OOSP4A: variants seen among roughly 807,000 people sequenced by gnomAD.
OOSP4A encodes oocyte secreted protein family member 4A.
chr11:59,969,886 A>T (rs2134587865), intron 4 of OOSP4A, among the ~76,000 whole-genome samples, 163 bp from the exon 5 acceptor site: 1 of 152,352 alleles, frequency 6.6e-6, no homozygotes, highest in East Asian at 1.9e-4. Context: ...ATGTGTATAT[A>T]TCGTATTTGT....
At chr11:59,969,584 C>A (rs1275866115) in intron 4 of OOSP4A, among the ~76,000 whole-genome samples, 2 of 152,294 alleles carry the variant, frequency 1.3e-5, no homozygotes, top group Non-Finnish European at 2.9e-5. Context: ...GGAATGGGAT[C>A]ATGGATTCCC....
chr11:59,964,140 C>T (rs1247168849), intron 1 of OOSP4A, 41 bp downstream of exon 1: 1 of 373,702 alleles, frequency 2.7e-6, no homozygotes, highest in African/African-American at 2.3e-5. Context: ...CAATTTCAAT[C>T]AGCAGGGCTT....
chr11:59,964,363 T>C (rs781511446), intron 1 of OOSP4A, among the ~76,000 whole-genome samples: 1 of 152,094 alleles, frequency 6.6e-6, no homozygotes. Flanking sequence ...TCCAGGTTCT[T>C]TCTCTGCTGG....
chr11:59,965,251 A>G (rs1279536858), intron 1 of OOSP4A, among the ~76,000 whole-genome samples: 1 of 152,140 alleles, frequency 6.6e-6, no homozygotes, highest in Admixed American at 6.5e-5. Context: ...TACATATGTA[A>G]CTAACCTGCA....
chr11:59,967,627 C>T (rs1422078492), intron 3 of OOSP4A, among the ~76,000 whole-genome samples: 2 of 151,520 alleles, frequency 1.3e-5, no homozygotes, highest in Admixed American at 6.6e-5. Flanking sequence ...TCAGTTTCTG[C>T]AAAAACTGAC....
At chr11:59,964,920 GAT>G (rs1178751236) in intron 1 of OOSP4A, among the ~76,000 whole-genome samples, 1 of 151,972 alleles carries the variant, frequency 6.6e-6, no homozygotes, top group Non-Finnish European at 1.5e-5. Flanking sequence ...CTTACACCTA[GAT>G]ATATTTCAAA....
intron 2 of OOSP4A, among the ~76,000 whole-genome samples, chr11:59,966,404 C>G (rs1854099670): frequency 6.7e-6 from 1 of 150,130 alleles, no homozygotes; most frequent in Admixed American, 6.6e-5. Flanking sequence ...AACTGCTTTT[C>G]TAAAGTTGTC....
intron 1 of OOSP4A, among the ~76,000 whole-genome samples, chr11:59,964,495 A>T (rs188463004): frequency 8.9e-4 from 136 of 152,184 alleles, no homozygotes; most frequent in Non-Finnish European, 1.5e-3. Flanking sequence ...TGGGGTATGA[A>T]GTTTGGACAG....
At chr11:59,967,503 C>T (rs556350528) in intron 3 of OOSP4A, among the ~76,000 whole-genome samples, 3 of 152,132 alleles carry the variant, frequency 2.0e-5, no homozygotes, top group Non-Finnish European at 4.4e-5. Flanking sequence ...TATAGGAGTT[C>T]TTAAGTTTTT....
In OOSP4A at chr11:59,967,193, G is replaced by A. The variant is rs202013952; in HGVS notation, c.344+29G>A. On this transcript the variant is annotated intron_variant, in intron 3 of 4. Transcript: ENST00000645590. ...AGTGCAGTGCACTACTGAGATTAAGGCTATCTAATATTATTTTTGCCTTCT... is the reference window on the plus strand; with the variant it reads ...AGTGCAGTGCACTACTGAGATTAAGACTATCTAATATTATTTTTGCCTTCT... The A allele has an allele frequency of 4.8e-4, 192 of 397,722 alleles. 2 individuals are homozygous for A. In the East Asian group the frequency reaches 4.9e-3, roughly 10 times the overall value. The allele number at this position is 397,722 out of a possible 1,614,324, so 24.6% of individuals were successfully genotyped here. A position where few individuals can be genotyped will look rare whatever the true frequency, so the allele number is the denominator to read the frequency against.
Position 59,970,046 on chromosome 11 carries a change from C to A in OOSP4A, c.480-3C>A, listed in dbSNP as rs1854139414. On this transcript the variant is annotated splice_polypyrimidine_tract_variant and splice_region_variant and intron_variant, in intron 4 of 4. Transcript: ENST00000645590. ...TGTAACTGTTTCTTTTCCGTCCTTA[C>A]AGGAACAGTGTTCCCTTGTTGAGCT... 2.5e-6 allele frequency: 1 copy of A among 398,066 alleles called. No homozygotes were observed. 24.7% of individuals were successfully genotyped at this position (398,066 alleles called of 1,614,324 possible). A position where few individuals can be genotyped will look rare whatever the true frequency, so the allele number is the denominator to read the frequency against.
intron 2 of OOSP4A, among the ~76,000 whole-genome samples, chr11:59,966,184 T>G (rs934872129): frequency 4.6e-5 from 7 of 151,790 alleles, no homozygotes; most frequent in Non-Finnish European, 8.8e-5. Flanking sequence ...TTTTTTTGCT[T>G]TATGTTAAAT....
chr11:59,967,259 G>T, intron 3 of OOSP4A, 95 bp downstream of exon 3: 1 of 393,398 alleles, frequency 2.5e-6, no homozygotes, highest in Non-Finnish European at 4.5e-6. Flanking sequence ...TTATGCTAAG[G>T]TTGGACATTG....
Position 59,969,766 on chromosome 11 carries a change from C to A in OOSP4A, c.480-283C>A, listed in dbSNP as rs112890719. On this transcript the variant is annotated intron_variant, in intron 4 of 4. Transcript: ENST00000645590. ...GGCCCTTATTCCACGTATCAACCGACCCTCATAATTCTAAACTTCAGATGG... is the reference window on the plus strand; with the variant it reads ...GGCCCTTATTCCACGTATCAACCGAACCTCATAATTCTAAACTTCAGATGG... Among the ~76,000 whole-genome samples the A allele has an allele frequency of 9.2e-3, 1,399 of 152,254 alleles. 23 individuals are homozygous for A. The highest frequency in any genetic ancestry group is 0.032 in the African/African-American group (1,324 of 41,552).
intron 3 of OOSP4A, 30 bp from the exon 4 acceptor site, chr11:59,969,120 A>G (rs903253410): frequency 1.6e-4 from 65 of 398,320 alleles, no homozygotes; most frequent in Middle Eastern, 6.3e-4. Flanking sequence ...ATATATACAA[A>G]GCTTAAATAT....
chr11:59,969,645 C>A (rs910596557), intron 4 of OOSP4A, among the ~76,000 whole-genome samples: 5 of 151,886 alleles, frequency 3.3e-5, no homozygotes, highest in African/African-American at 4.8e-5. Flanking sequence ...GCTTTTTGTT[C>A]TAAAAGAACT....
At chr11:59,965,439 G>A (rs1173393774) in intron 1 of OOSP4A, 96 bp from the exon 2 acceptor site, 2 of 397,104 alleles carry the variant, frequency 5.0e-6, no homozygotes, top group Admixed American at 8.8e-5. Context: ...TCTACAGTTG[G>A]GGATTCAGCT....
chr11:59,964,265 CT>C (rs984087783), intron 1 of OOSP4A, among the ~76,000 whole-genome samples, 166 bp downstream of exon 1: 1 of 147,442 alleles, frequency 6.8e-6, no homozygotes, highest in African/African-American at 2.5e-5. Flanking sequence ...CTAGTTTTAT[CT>C]TTACCCCTGT....
chr11:59,965,432 A>G (rs1022328968), intron 1 of OOSP4A, 103 bp from the exon 2 acceptor site: 3 of 396,990 alleles, frequency 7.6e-6, no homozygotes, highest in African/African-American at 4.1e-5. Context: ...TTTTCACTCT[A>G]CAGTTGGGGA....
Sources: gnomAD v4.1 joint callset for allele counts (sites outside exome capture counted in the v4.1 genomes callset) on GRCh38, gnomAD v4.1.1 for gene constraint, MANE v1.5 for transcripts, NCBI Gene and HGNC (gene_info 2026-07-23, HGNC 2026-07-21) for gene names.